The following SBF2 variants were observed in gnomAD, a reference collection of about 807,000 sequenced individuals.
SBF2 encodes the protein myotubularin-related protein 13.
Under a neutral mutation model 225.2 loss-of-function variants are expected in SBF2, and 112 were observed. That is an observed-to-expected ratio of 0.50 (90% confidence interval 0.43 to 0.58). The LOEUF (loss-of-function observed/expected upper bound fraction) is 0.58. Ranked by LOEUF, SBF2 falls within the 20% of genes least tolerant of loss-of-function variation. The pLI, the probability that SBF2 is intolerant of heterozygous loss-of-function variation, is 0.00. For missense variants in SBF2, 1,996 were observed against 2,206.2 expected (o/e 0.90, Z 1.91); for synonymous variants, 763 against 773.3 (o/e 0.99, Z 0.22).
rs1345339213 is a variant in SBF2, at chr11:9,904,462, T to C, written c.1861-8451A>G. Among the ~76,000 whole-genome samples the C allele has an allele frequency of 3.3e-5, 5 of 152,078 alleles. No individual in the cohort carries two copies. The East Asian group carries it at 5.8e-4, about 18-fold the overall frequency. ...GCCTCAAAGTATACAAAGCAAAAAC[T>C]GACAGATGTAAAAGGAAAAACAGAT... On this transcript the variant is annotated intron_variant, in intron 16 of 39. Coordinates refer to ENST00000256190, the MANE Select transcript of SBF2 (RefSeq NM_030962.4).
rs1454699793 is a variant in SBF2, at chr11:10,011,202, G to A, written c.620-8513C>T. Among the ~76,000 whole-genome samples, 6 of 152,044 alleles carry A rather than the reference G, an allele frequency of 3.9e-5. No homozygotes were observed. The East Asian group carries it at 1.2e-3, about 29-fold the overall frequency. ...TATTAACTAGTCTCTTTTTCCTGCA[G>A]TCTTAAGGATTTCCTTTTGTTTTTA... On this transcript the variant is annotated intron_variant, in intron 6 of 39. Transcript: ENST00000256190.
chr11:9,872,020 A>G (rs1052923017), intron 17 of SBF2, among the ~76,000 whole-genome samples: 1 of 152,250 alleles, frequency 6.6e-6, no homozygotes, highest in African/African-American at 2.4e-5. Flanking sequence ...ACATGCATGC[A>G]TATGTTCATT....
intron 1 of SBF2, among the ~76,000 whole-genome samples, chr11:10,287,701 T>C (rs375471832): frequency 3.3e-5 from 5 of 152,256 alleles, no homozygotes; most frequent in African/African-American, 7.2e-5. Flanking sequence ...GATATTGTTA[T>C]GGGATCTTTA....
At chr11:10,130,606 A>G (rs1457456110) in intron 2 of SBF2, among the ~76,000 whole-genome samples, 1 of 152,110 alleles carries the variant, frequency 6.6e-6, no homozygotes, top group Non-Finnish European at 1.5e-5. Context: ...ACATGCATAG[A>G]TCTGTGTAAT....
chr11:9,874,127 T>C (rs1237595816), intron 17 of SBF2, among the ~76,000 whole-genome samples: 2 of 152,128 alleles, frequency 1.3e-5, no homozygotes, highest in African/African-American at 4.8e-5. Context: ...TCTCATTAAA[T>C]CTGCATGATA....
intron 2 of SBF2, among the ~76,000 whole-genome samples, chr11:10,065,668 C>A (rs142897561): frequency 6.6e-6 from 1 of 152,130 alleles, no homozygotes; most frequent in Non-Finnish European, 1.5e-5. Flanking sequence ...ACACAAACTA[C>A]TGGCCAGGCA....
intron 2 of SBF2, among the ~76,000 whole-genome samples, chr11:10,129,169 T>C (rs1301326988): frequency 6.9e-6 from 1 of 145,486 alleles, no homozygotes; most frequent in African/African-American, 2.5e-5. Flanking sequence ...AGTGGCACGA[T>C]CTTGGCTTAC....
At chr11:10,231,994 A>C (rs1275618511) in intron 1 of SBF2, among the ~76,000 whole-genome samples, 1 of 152,172 alleles carries the variant, frequency 6.6e-6, no homozygotes, top group Non-Finnish European at 1.5e-5. Context: ...TACCTACTCA[A>C]GCCTTGGCAA....
At chr11:9,981,331 G>A (rs917374238) in intron 13 of SBF2, among the ~76,000 whole-genome samples, 4 of 152,088 alleles carry the variant, frequency 2.6e-5, no homozygotes, top group Non-Finnish European at 5.9e-5. Context: ...GGAAAGGGGT[G>A]AAAAGTGACT....
chr11:10,171,643 T>C lies in SBF2; in HGVS notation c.141+22259A>G, dbSNP rs557259057. Reference sequence around the variant, plus strand: ...CCTGGTTTTGGCATCATAGTAATACTAGTCTCATAGAATAAGGTTTGGAAG... The same window carrying C: ...CCTGGTTTTGGCATCATAGTAATACCAGTCTCATAGAATAAGGTTTGGAAG... On this transcript the variant is annotated intron_variant, in intron 2 of 39. Coordinates refer to ENST00000256190, the MANE Select transcript of SBF2 (RefSeq NM_030962.4). Among the ~76,000 whole-genome samples, 16 of 152,352 alleles carry C rather than the reference T, an allele frequency of 1.1e-4. No homozygotes were observed. The South Asian group carries it at 1.4e-3, about 14-fold the overall frequency.
intron 21 of SBF2, among the ~76,000 whole-genome samples, chr11:9,850,900 T>C (rs1438000721): frequency 2.6e-5 from 4 of 151,566 alleles, no homozygotes; most frequent in Admixed American, 2.0e-4. Context: ...CTTTGGGAGG[T>C]TGAGGCAGAT....
intron 16 of SBF2, among the ~76,000 whole-genome samples, chr11:9,917,381 A>G (rs998719203): frequency 6.6e-6 from 1 of 151,460 alleles, no homozygotes; most frequent in Non-Finnish European, 1.5e-5. Context: ...ACCCAGGCTG[A>G]AGTGCAGTGA....
intron 1 of SBF2, among the ~76,000 whole-genome samples, chr11:10,280,050 T>G (rs913475452): frequency 6.6e-6 from 1 of 152,216 alleles, no homozygotes; most frequent in African/African-American, 2.4e-5. Flanking sequence ...TTTTGGATTT[T>G]TAAGTATTTG....
At position 9,986,957 on chromosome 11, in the gene SBF2, G is replaced by C. The variant is rs144030756; in HGVS notation, c.1395+2540C>G. ...CAGCATCACCCTAATACCCAAACCA[G>C]GAAAGGACATAACCAAAAAAGAAAA... On this transcript the variant is annotated intron_variant, in intron 13 of 39. Coordinates refer to ENST00000256190, the MANE Select transcript of SBF2 (RefSeq NM_030962.4). Among the ~76,000 whole-genome samples, 191 of 152,138 alleles carry C rather than the reference G, an allele frequency of 1.3e-3. 2 individuals carry two copies. The East Asian group carries it at 0.029, about 23-fold the overall frequency.
intron 2 of SBF2, among the ~76,000 whole-genome samples, chr11:10,177,063 G>T (rs554893688): frequency 5.3e-5 from 8 of 151,664 alleles, no homozygotes; most frequent in African/African-American, 1.7e-4. Flanking sequence ...ATGTAATCCA[G>T]CATATAAACA....
intron 1 of SBF2, among the ~76,000 whole-genome samples, chr11:10,220,321 A>C (rs544461174): frequency 6.6e-6 from 1 of 152,132 alleles, no homozygotes; most frequent in South Asian, 2.1e-4. Flanking sequence ...ATTATCTCCC[A>C]CCGGGACCCT....
At chr11:10,154,425 A>G (rs1232661416) in intron 2 of SBF2, among the ~76,000 whole-genome samples, 3 of 152,054 alleles carry the variant, frequency 2.0e-5, no homozygotes, top group African/African-American at 4.8e-5. Flanking sequence ...CTTCAACAAT[A>G]CTCAATGTGT....
At chr11:10,135,663 A>C (rs923812309) in intron 2 of SBF2, among the ~76,000 whole-genome samples, 1 of 152,298 alleles carries the variant, frequency 6.6e-6, no homozygotes, top group Admixed American at 6.5e-5. Context: ...CTAAAACATA[A>C]TAAGAGTCAC....
chr11:9,893,580 C>T (rs1861007215), intron 17 of SBF2, among the ~76,000 whole-genome samples: 1 of 152,174 alleles, frequency 6.6e-6, no homozygotes, highest in Non-Finnish European at 1.5e-5. Flanking sequence ...AGTGGCAGTG[C>T]TATCTATAAA....
Sources: gnomAD v4.1 joint callset for allele counts (sites outside exome capture counted in the v4.1 genomes callset) on GRCh38, gnomAD v4.1.1 for gene constraint, MANE v1.5 for transcripts, NCBI Gene and HGNC (gene_info 2026-07-23, HGNC 2026-07-21) for gene names.